The following AKAP6 variants were observed in gnomAD, a reference collection of about 807,000 sequenced individuals.
AKAP6 encodes A-kinase anchor protein 6.
A neutral mutation model predicts 188.5 loss-of-function variants in AKAP6; 58 were observed. That is an observed-to-expected ratio of 0.31 (90% CI 0.25 to 0.38). The LOEUF is 0.38. Ranked by LOEUF, AKAP6 falls within the 10% of genes least tolerant of loss-of-function variation. The pLI, the probability that AKAP6 is intolerant of heterozygous loss-of-function variation, is 1.00. For synonymous variants in AKAP6, 989 were observed against 998.6 expected (o/e 0.99, Z 0.18); for missense variants, 2,710 against 2,740.0 (o/e 0.99, Z 0.24).
intron 2 of AKAP6, among the ~76,000 whole-genome samples, chr14:32,512,874 T>C (rs1881328774): frequency 6.6e-6 from 1 of 152,248 alleles, no homozygotes; most frequent in Non-Finnish European, 1.5e-5. Context: ...ATTGAAAATC[T>C]ATCAGTACAA....
chr14:32,559,538 G>A (rs968897799), intron 4 of AKAP6, among the ~76,000 whole-genome samples: 4 of 152,156 alleles, frequency 2.6e-5, no homozygotes, highest in Non-Finnish European at 4.4e-5. Context: ...TACTTAAAAT[G>A]TTTGGCCCAG....
At chr14:32,750,881 C>T (rs1233109998) in intron 11 of AKAP6, among the ~76,000 whole-genome samples, 1 of 151,498 alleles carries the variant, frequency 6.6e-6, no homozygotes, top group Non-Finnish European at 1.5e-5. Context: ...ACTACAGGCG[C>T]CTGCCACCAT....
chr14:32,701,653 C>G (rs1015731413), intron 9 of AKAP6, among the ~76,000 whole-genome samples: 1 of 151,994 alleles, frequency 6.6e-6, no homozygotes, highest in Non-Finnish European at 1.5e-5. Flanking sequence ...CTATTGATAT[C>G]AAAATGATGT....
intron 2 of AKAP6, among the ~76,000 whole-genome samples, chr14:32,534,670 C>G (rs1882583196): frequency 1.3e-5 from 2 of 151,892 alleles, no homozygotes; most frequent in Admixed American, 1.3e-4. Flanking sequence ...ATTTCGATAT[C>G]CACTGTGAAT....
chr14:32,678,603 A>G lies in AKAP6; in HGVS notation c.2879+144A>G, dbSNP rs1388065374. The stretch of plus-strand genomic sequence containing the variant: ...AGACTAGGCATTAATGTTCTTTTCC[A>G]TTTGTGCCAGAATTGAAGACTGTGG... On this transcript the variant is annotated intron_variant, in intron 8 of 13. Coordinates refer to ENST00000280979, the MANE Select transcript of AKAP6 (RefSeq NM_004274.5). 6 of 938,960 alleles carry G rather than the reference A, an allele frequency of 6.4e-6. No homozygotes were observed. In the East Asian group the frequency reaches 1.1e-4, roughly 16 times the overall value. The allele number at this position is 938,960 out of a possible 1,614,324, so 58.2% of individuals were successfully genotyped here.
intron 2 of AKAP6, among the ~76,000 whole-genome samples, chr14:32,456,432 C>A (rs1891148812): frequency 6.6e-6 from 1 of 152,106 alleles, no homozygotes; most frequent in Admixed American, 6.6e-5. Flanking sequence ...AATACAAGCA[C>A]AAAGCTATAA....
At chr14:32,457,866 G>A (rs187943738) in intron 2 of AKAP6, among the ~76,000 whole-genome samples, 32 of 152,262 alleles carry the variant, frequency 2.1e-4, no homozygotes, top group African/African-American at 7.0e-4. Context: ...CCATTCACTT[G>A]CCTGAGACCT....
chr14:32,793,819 G>A (rs1174434903), intron 12 of AKAP6, among the ~76,000 whole-genome samples: 1 of 151,604 alleles, frequency 6.6e-6, no homozygotes, highest in African/African-American at 2.4e-5. Context: ...AAATATATAT[G>A]CACCCTATAC....
At chr14:32,707,585 T>G (rs1890862112) in intron 9 of AKAP6, among the ~76,000 whole-genome samples, 1 of 152,102 alleles carries the variant, frequency 6.6e-6, no homozygotes, top group Non-Finnish European at 1.5e-5. Context: ...ATTCGTGTTA[T>G]TTATTGATTA....
chr14:32,756,148 G>A (rs999343769), intron 11 of AKAP6, among the ~76,000 whole-genome samples: 3 of 152,130 alleles, frequency 2.0e-5, no homozygotes, highest in African/African-American at 7.2e-5. Flanking sequence ...ATCATGCCTG[G>A]AGCTAGGTCC....
At chr14:32,562,091 C>T (rs544352083) in intron 4 of AKAP6, among the ~76,000 whole-genome samples, 7 of 152,250 alleles carry the variant, frequency 4.6e-5, no homozygotes, top group East Asian at 1.9e-4. Flanking sequence ...CTGCTTCATA[C>T]GCTTTCCATT....
intron 2 of AKAP6, among the ~76,000 whole-genome samples, chr14:32,521,000 G>T (rs941258119): frequency 6.6e-6 from 1 of 152,180 alleles, no homozygotes; most frequent in African/African-American, 2.4e-5. Flanking sequence ...CCAAGATCAA[G>T]TTGGCTTCAT....
intron 5 of AKAP6, among the ~76,000 whole-genome samples, chr14:32,588,779 G>C (rs756074766): frequency 8.6e-5 from 13 of 152,006 alleles, no homozygotes; most frequent in Non-Finnish European, 1.9e-4. Flanking sequence ...TAATTATGAA[G>C]TGTCTAAAAA....
intron 2 of AKAP6, among the ~76,000 whole-genome samples, chr14:32,446,760 C>A (rs1006145382): frequency 4.5e-4 from 69 of 151,968 alleles, no homozygotes; most frequent in Non-Finnish European, 4.3e-4. Flanking sequence ...AAATGCAATT[C>A]CATGAATGTG....
Position 32,545,659 on chromosome 14 carries a change from G to A in AKAP6, c.1006G>A (p.Ala336Thr). 1 of 1,614,162 alleles carries A rather than the reference G, an allele frequency of 6.2e-7. No homozygotes were observed. Among genetic ancestry groups the A allele is most frequent in the Non-Finnish European group, 8.5e-7 (1 of 1,180,020 alleles). ...SSSSGEALTN[A>T]AQPSSETVQQ... is the part of the protein sequence containing the mutation. ...ATCTTCAGGAGAAGCTCTGACAAAT[G>A]CTGCTCAACCCTCCTCTGAGACTGT... is the stretch of plus-strand genomic sequence containing the variant. Residue 336 changes from alanine (A) to threonine (T), a missense_variant, in exon 4 of 14, where the codon GCT (alanine) becomes ACT (threonine). Around this residue, in one of 2 missense-constraint regions of AKAP6, gnomAD observed 2,473 missense variants for 2,426.1 expected, o/e 1.02. Transcript: ENST00000280979.
chr14:32,654,150 TG>T (rs1433867362), intron 7 of AKAP6, among the ~76,000 whole-genome samples: 1 of 152,208 alleles, frequency 6.6e-6, no homozygotes, highest in Non-Finnish European at 1.5e-5. Context: ...ATATATCTGC[TG>T]TGTAATTTTC....
chr14:32,388,946 G>A (rs142086674), intron 1 of AKAP6, among the ~76,000 whole-genome samples: 1 of 152,200 alleles, frequency 6.6e-6, no homozygotes, highest in Non-Finnish European at 1.5e-5. Context: ...TGCTGTCAGT[G>A]GAGTACTGAG....
chr14:32,517,696 G>C (rs2139045946), intron 2 of AKAP6, among the ~76,000 whole-genome samples: 1 of 152,344 alleles, frequency 6.6e-6, no homozygotes, highest in African/African-American at 2.4e-5. Flanking sequence ...AAGCAGCCTG[G>C]AAGCTCGAAC....
Position 32,823,919 on chromosome 14 carries a change from A to G in AKAP6, c.6106A>G (p.Ile2036Val), listed in dbSNP as rs749614129. ...AGAGGAAAATGCTTCTATCAGCAAC[A>G]TTTCCTGTTGCAACTGTGAGCCAGA... ...GTEENASISNISCCNCEPDVF... is the reference protein window; with the variant it reads ...GTEENASISNVSCCNCEPDVF... The change falls in exon 13 of 14, where the codon ATT becomes GTT. Residue 2036 changes from isoleucine (I) to valine (V), a missense_variant. Around this residue, in one of 2 missense-constraint regions of AKAP6, gnomAD observed 2,473 missense variants for 2,426.1 expected, o/e 1.02. Transcript: ENST00000280979. 1.9e-6 allele frequency: 3 copies of G among 1,613,952 alleles called. No homozygotes were observed. The highest frequency in any genetic ancestry group is 2.2e-5 in the East Asian group (1 of 44,876).
Sources: allele counts gnomAD v4.1 joint callset (sites outside exome capture counted in the v4.1 genomes callset), GRCh38; gene constraint gnomAD v4.1.1; regional missense constraint gnomAD v4.1.1; transcripts MANE v1.5; gene names NCBI Gene and HGNC (gene_info 2026-07-23, HGNC 2026-07-21).